PCDHA6: variants seen among roughly 807,000 people sequenced by gnomAD.
PCDHA6 encodes protocadherin alpha 6, also known as protocadherin alpha-6.
PCDHA6 carries 55 observed loss-of-function variants against 60.3 expected under a neutral mutation model. That is an observed-to-expected ratio of 0.91 (90% CI 0.73 to 1.14). PCDHA6 has a LOEUF of 1.14. Ranked by LOEUF, PCDHA6 falls within the 50% of genes most tolerant of loss-of-function variation. The pLI is 0.00. For missense variants in PCDHA6, 1,327 were observed against 1,256.5 expected (o/e 1.06, Z -0.85); for synonymous variants, 652 against 557.9 (o/e 1.17, Z -2.38).
chr5:140,833,524 A>G (rs1772501533), intron 1 of PCDHA6, among the ~76,000 whole-genome samples: 1 of 152,220 alleles, frequency 6.6e-6, no homozygotes, highest in South Asian at 2.1e-4. Context: ...TATTCATAAC[A>G]CACAAGTGTT....
intron 1 of PCDHA6, chr5:140,883,159 G>A (rs782151764): frequency 3.1e-6 from 5 of 1,613,846 alleles, no homozygotes; most frequent in Admixed American, 3.3e-5. Context: ...CCATAAATCC[G>A]AACAATGGAG....
chr5:140,851,837 A>G (rs2042175202), intron 1 of PCDHA6: 1 of 970,268 alleles, frequency 1.0e-6, no homozygotes, highest in Non-Finnish European at 1.2e-6. Context: ...TTTTAAAAAT[A>G]TCTTTTTCTC....
chr5:140,915,960 G>A (rs1554197207), intron 1 of PCDHA6, among the ~76,000 whole-genome samples: 1 of 152,112 alleles, frequency 6.6e-6, no homozygotes, highest in Admixed American at 6.5e-5. Flanking sequence ...TTAGAAATTT[G>A]CCTGATATTT....
At chr5:140,876,673 T>C (rs1554168774) in intron 1 of PCDHA6, 1 of 1,614,206 alleles carries the variant, frequency 6.2e-7, no homozygotes, top group Non-Finnish European at 8.5e-7. Flanking sequence ...GGTGTCCACC[T>C]ACAAGAATTA....
intron 1 of PCDHA6, among the ~76,000 whole-genome samples, chr5:140,945,084 G>A (rs2093736806): frequency 6.6e-6 from 1 of 151,822 alleles, no homozygotes; most frequent in Admixed American, 6.6e-5. Context: ...AACACTCTTG[G>A]AACTAATAAA....
intron 1 of PCDHA6, among the ~76,000 whole-genome samples, chr5:140,892,931 G>A (rs77081198): frequency 0.011 from 1,609 of 152,196 alleles, 17 homozygotes; most frequent in African/African-American, 0.028. Flanking sequence ...CCCAGCCTCT[G>A]ATAAGCACAA....
chr5:140,869,456 AT>A (rs1175063244), intron 1 of PCDHA6: 1 of 1,614,072 alleles, frequency 6.2e-7, no homozygotes, highest in East Asian at 2.2e-5. Flanking sequence ...CAGGTTTTCC[AT>A]GTGAACGTGG....
At chr5:140,960,728 A>G (rs200453950) in intron 1 of PCDHA6, among the ~76,000 whole-genome samples, 1 of 30,214 alleles carries the variant, frequency 3.3e-5, no homozygotes, top group African/African-American at 2.6e-4. Flanking sequence ...ATTTTAGTCC[A>G]TGATTTTAGT....
intron 1 of PCDHA6, chr5:140,834,950 A>C: frequency 1.3e-6 from 2 of 1,550,084 alleles, no homozygotes; most frequent in Non-Finnish European, 1.8e-6. Context: ...ACCAGCAGGT[A>C]AAACCTCTTG....
At chr5:140,866,236 C>T (rs1554160132) in intron 1 of PCDHA6, 1 of 152,026 alleles carries the variant, frequency 6.6e-6, no homozygotes, top group East Asian at 1.9e-4. Context: ...ATACTATATA[C>T]CAAAAATGAC....
rs2150350021 is a variant in PCDHA6 at position 140,843,009 on chromosome 5, C to G, written c.2394+12524C>G. The G allele has an allele frequency of 1.9e-6, 3 of 1,595,058 alleles. 1 individual carries two copies. Among genetic ancestry groups the G allele is most frequent in the Non-Finnish European group, 2.6e-6 (3 of 1,165,480 alleles). Reference sequence around the variant, plus strand: ...GTGCTGGACGAGAATGACAACGCGCCGGCACTGCTGGAGCCTCGGGTGGGT... The same window carrying G: ...GTGCTGGACGAGAATGACAACGCGCGGGCACTGCTGGAGCCTCGGGTGGGT... On this transcript the variant is annotated intron_variant, in intron 1 of 3. Coordinates refer to ENST00000529310, the MANE Select transcript of PCDHA6 (RefSeq NM_018909.4).
chr5:140,884,101 G>T lies in PCDHA6; in HGVS notation c.2394+53616G>T, dbSNP rs782222820. 6 of 1,613,486 alleles carry T rather than the reference G, an allele frequency of 3.7e-6. No individual in the cohort carries two copies. The highest frequency in any genetic ancestry group is 3.3e-4 in the Middle Eastern group (2 of 6,042). On this transcript the variant is annotated intron_variant, in intron 1 of 3. Coordinates refer to ENST00000529310, the MANE Select transcript of PCDHA6 (RefSeq NM_018909.4). ...ACAATGCGTGGCTTTCGTATGAATT[G>T]CAGCTGGCGGCGGTCGGCGCGCGCA...
intron 3 of PCDHA6, among the ~76,000 whole-genome samples, chr5:141,001,598 G>C (rs2098027263): frequency 6.6e-6 from 1 of 152,088 alleles, no homozygotes; most frequent in South Asian, 2.1e-4. Flanking sequence ...ACTCAGATTA[G>C]GTTTGCCCAA....
chr5:140,839,690 G>A (rs1776366219), intron 1 of PCDHA6, among the ~76,000 whole-genome samples: 1 of 151,916 alleles, frequency 6.6e-6, no homozygotes, highest in African/African-American at 2.4e-5. Flanking sequence ...AGATTTTTTT[G>A]GGTAAATAAT....
In PCDHA6 at chr5:140,828,120, G is replaced by A. The variant is rs1182345858; in HGVS notation, c.29G>A (p.Gly10Glu). Residue 10 changes from glycine (G) to glutamate (E), a missense_variant, in exon 1 of 4, where the codon GGA (glycine) becomes GAA (glutamate). Transcript: ENST00000529310. MVFTPEDRLGKQCLLLPLLL... is the reference protein window; with the variant it reads MVFTPEDRLEKQCLLLPLLL... ...GTGTTTACCCCGGAGGATAGATTGG[G>A]AAAGCAATGTCTGCTCCTCCCGCTT... The A allele has an allele frequency of 2.5e-6, 4 of 1,612,674 alleles. No homozygotes were observed. The highest frequency in any genetic ancestry group is 3.4e-6 in the Non-Finnish European group (4 of 1,179,182).
chr5:140,877,719 T>G (rs782112072), intron 1 of PCDHA6: 2 of 1,614,102 alleles, frequency 1.2e-6, no homozygotes, highest in South Asian at 1.1e-5. Context: ...GGAGTTGGTC[T>G]TACTCGCAGC....
chr5:140,883,242 A>C (rs1562785855), intron 1 of PCDHA6: 2 of 1,614,066 alleles, frequency 1.2e-6, no homozygotes, highest in Non-Finnish European at 1.7e-6. Context: ...GCAGTTGACA[A>C]AGGAAATATT....
intron 1 of PCDHA6, among the ~76,000 whole-genome samples, chr5:140,900,525 C>A (rs1322679465): frequency 6.6e-6 from 1 of 152,232 alleles, no homozygotes; most frequent in East Asian, 1.9e-4. Context: ...GATCTGCCCA[C>A]CTCGGCTTTC....
At chr5:140,872,606 AT>A (rs1302987061) in intron 1 of PCDHA6, among the ~76,000 whole-genome samples, 2 of 151,888 alleles carry the variant, frequency 1.3e-5, no homozygotes, top group African/African-American at 2.4e-5. Flanking sequence ...TGAAAAAATA[AT>A]TTTTTTTGCC....
Sources: allele counts gnomAD v4.1 joint callset (sites outside exome capture counted in the v4.1 genomes callset), GRCh38; gene constraint gnomAD v4.1.1; transcripts MANE v1.5; gene names NCBI Gene and HGNC (gene_info 2026-07-23, HGNC 2026-07-21).